Variants in MORC1 observed in about 807,000 individuals in gnomAD.
MORC1 encodes the protein MORC family CW-type zinc finger protein 1.
Under a neutral mutation model 134.9 loss-of-function variants are expected in MORC1, and 59 were observed. The ratio of observed to expected loss-of-function variants is 0.44; its 90% CI spans 0.35 to 0.54. MORC1 has a LOEUF of 0.54. Among genes scored for constraint, MORC1 ranks in the 20% least tolerant of loss-of-function variants. The probability of loss-of-function intolerance (pLI) is 0.00; values close to 1 mark genes in which losing one functional copy is unlikely to be tolerated. For missense variants in MORC1, 947 were observed against 1,134.5 expected, an observed-to-expected ratio of 0.83 and a Z score of 2.37; for synonymous variants, 395 against 391.7, an observed-to-expected ratio of 1.01 and a Z score of -0.10.
At position 109,094,900 on chromosome 3, in the gene MORC1, T is replaced by C; in HGVS notation, c.583+9A>G. The C allele has an allele frequency of 3.2e-6, 5 of 1,546,002 alleles. No individual in the cohort carries two copies. The highest frequency in any genetic ancestry group is 4.3e-6 in the Non-Finnish European group (5 of 1,155,678). On this transcript the variant is annotated intron_variant, in intron 7 of 27. Coordinates refer to ENST00000232603, the MANE Select transcript of MORC1 (RefSeq NM_014429.4). The stretch of plus-strand genomic sequence containing the variant: ...TTCCATCAAATTGTCAGAGTTTTGA[T>C]GATCTTACCACATTTTCCATAGATC...
At chr3:109,046,961 G>C (rs1296767852) in intron 14 of MORC1, among the ~76,000 whole-genome samples, 2 of 151,878 alleles carry the variant, frequency 1.3e-5, no homozygotes, top group African/African-American at 4.8e-5. Context: ...AGCAAACTGT[G>C]AACTTCATAA....
intron 25 of MORC1, 51 bp downstream of exon 25, chr3:108,971,279 G>T: frequency 1.3e-6 from 2 of 1,521,010 alleles, no homozygotes; most frequent in South Asian, 1.1e-5. Context: ...TCTTCACTGA[G>T]ATTCAGGCTA....
intron 2 of MORC1, among the ~76,000 whole-genome samples, chr3:109,114,130 G>A (rs1951224559): frequency 6.6e-6 from 1 of 152,096 alleles, no homozygotes; most frequent in Non-Finnish European, 1.5e-5. Context: ...ATATCTAAAT[G>A]AATATGTACA....
rs199953461 is a variant in MORC1, at chr3:109,061,980, T to G, written c.966+8A>C. On this transcript the variant is annotated splice_region_variant and intron_variant, in intron 11 of 27. Coordinates refer to ENST00000232603, the MANE Select transcript of MORC1 (RefSeq NM_014429.4). Reference sequence around the variant, plus strand: ...ATTTAATAAGACTACTCTCTTTACATGTCGTACCTTGGCAGAAGATAAAGA... The same window carrying G: ...ATTTAATAAGACTACTCTCTTTACAGGTCGTACCTTGGCAGAAGATAAAGA... The G allele has an allele frequency of 9.3e-6, 15 of 1,612,714 alleles. No individual in the cohort carries two copies. Among genetic ancestry groups the G allele is most frequent in the Non-Finnish European group, 2.5e-6 (3 of 1,178,852 alleles).
chr3:109,075,608 T>C (rs1015247214), intron 8 of MORC1, among the ~76,000 whole-genome samples: 1 of 152,186 alleles, frequency 6.6e-6, no homozygotes, highest in African/African-American at 2.4e-5. Context: ...CAGATGGTTG[T>C]AGATGTGTGA....
Position 109,004,847 on chromosome 3 carries a change from T to C in MORC1, c.2055A>G (p.Gln685=), listed in dbSNP as rs759179125. The change falls in exon 20 of 28, where the codon CAA becomes CAG. Residue 685 remains glutamine (Q), a synonymous_variant. Coordinates refer to ENST00000232603, the MANE Select transcript of MORC1 (RefSeq NM_014429.4). ...IANITTVWRA[Q]PTEGCLKNAQ... is the part of the protein sequence containing the mutation. ...CATTCTTCAGGCACCCTTCAGTTGG[T>C]TGAGCTCTCCAGACAGTGGTAATAT... 9.2e-5 allele frequency: 148 copies of C among 1,613,840 alleles called. No individual in the cohort carries two copies. Among genetic ancestry groups the C allele is most frequent in the Middle Eastern group, 1.6e-4 (1 of 6,082 alleles).
chr3:109,065,916 A>T (rs1950185818), intron 9 of MORC1, among the ~76,000 whole-genome samples: 1 of 152,252 alleles, frequency 6.6e-6, no homozygotes, highest in South Asian at 2.1e-4. Context: ...ACACAGAAAC[A>T]GAAAAACAAG....
intron 9 of MORC1, among the ~76,000 whole-genome samples, chr3:109,064,536 T>G (rs920992477): frequency 4.6e-5 from 7 of 152,014 alleles, no homozygotes; most frequent in Admixed American, 3.3e-4. Context: ...AAACATTTGT[T>G]CAAAATACTC....
chr3:109,111,059 A>AAAAC (rs1357575460), intron 2 of MORC1, among the ~76,000 whole-genome samples: 3 of 149,060 alleles, frequency 2.0e-5, no homozygotes, highest in Admixed American at 6.6e-5. Context: ...TTAAAAAAAA[A>AAAAC]AAAAAAAAAC....
At chr3:109,056,243 T>A (rs917604924) in intron 13 of MORC1, among the ~76,000 whole-genome samples, 27 of 151,106 alleles carry the variant, frequency 1.8e-4, no homozygotes, top group Non-Finnish European at 3.2e-4. Context: ...TTATTTATTT[T>A]TTGAGACAGA....
chr3:108,964,566 T>C (rs1559857578), intron 26 of MORC1, among the ~76,000 whole-genome samples: 1 of 152,170 alleles, frequency 6.6e-6, no homozygotes, highest in Non-Finnish European at 1.5e-5. Flanking sequence ...GAGTTTCCCC[T>C]TTTTCTACAA....
At chr3:108,961,082 T>G (rs1947068798) in intron 27 of MORC1, among the ~76,000 whole-genome samples, 1 of 152,214 alleles carries the variant, frequency 6.6e-6, no homozygotes. Context: ...CTCATTCCCT[T>G]GGGCCCAACT....
chr3:109,114,730 T>C (rs1257453183), intron 1 of MORC1, among the ~76,000 whole-genome samples: 1 of 152,246 alleles, frequency 6.6e-6, no homozygotes, highest in Admixed American at 6.5e-5. Flanking sequence ...AATATTACTT[T>C]ATAAGCATGT....
rs551635949 is a variant in MORC1 at position 108,959,625 on chromosome 3, G to A, written c.2800-505C>T. On this transcript the variant is annotated intron_variant, in intron 27 of 27. Coordinates refer to ENST00000232603, the MANE Select transcript of MORC1 (RefSeq NM_014429.4). ...CTTTTACTCAGCTCCCTACTGAGGC[G>A]ATTTCATGCTCTCCTTTCCTGGACT... 1.4e-4 allele frequency among the ~76,000 whole-genome samples: 22 copies of A among 152,160 alleles called. No individual in the cohort carries two copies. The South Asian group carries it at 1.9e-3, about 13-fold the overall frequency.
chr3:108,982,199 T>C (rs1947744666), intron 23 of MORC1, among the ~76,000 whole-genome samples: 1 of 152,034 alleles, frequency 6.6e-6, no homozygotes, highest in Non-Finnish European at 1.5e-5. Flanking sequence ...AAAACCACAA[T>C]GAGATACCAT....
chr3:108,966,026 T>C (rs2197739), intron 26 of MORC1, among the ~76,000 whole-genome samples: 18,546 of 152,254 alleles, frequency 0.12, 1,213 homozygotes, highest in Non-Finnish European at 0.15. Context: ...AGGAAGTTTC[T>C]ATGAAAGGTA....
intron 23 of MORC1, 72 bp from the exon 24 acceptor site, chr3:108,979,739 T>C (rs921896517): frequency 4.5e-5 from 70 of 1,542,772 alleles, no homozygotes; most frequent in African/African-American, 3.7e-4. Flanking sequence ...TATACAAAAA[T>C]GAGTGAAATG....
intron 17 of MORC1, among the ~76,000 whole-genome samples, chr3:109,008,030 T>C (rs1224275800): frequency 7.2e-5 from 11 of 152,230 alleles, no homozygotes; most frequent in Non-Finnish European, 1.5e-5. Flanking sequence ...ATTATACACA[T>C]GGTCTGAATT....
At chr3:109,057,292 C>A in intron 13 of MORC1, 51 bp downstream of exon 13, 2 of 1,553,350 alleles carry the variant, frequency 1.3e-6, no homozygotes, top group Non-Finnish European at 1.7e-6. Context: ...CAGAATCTTA[C>A]TGTAACATCC....
Sources: allele counts gnomAD v4.1 joint callset (sites outside exome capture counted in the v4.1 genomes callset), GRCh38; gene constraint gnomAD v4.1.1; transcripts MANE v1.5; gene names NCBI Gene and HGNC (gene_info 2026-07-23, HGNC 2026-07-21).